The following KLF12 variants were observed in gnomAD, a reference collection of about 807,000 sequenced individuals.
KLF12 encodes KLF transcription factor 12, also known as Krueppel-like factor 12.
Under a neutral mutation model 37.8 loss-of-function variants are expected in KLF12, and 9 were observed. The ratio of observed to expected loss-of-function variants is 0.24; its 90% CI spans 0.14 to 0.42. The LOEUF (loss-of-function observed/expected upper bound fraction) is 0.42, where lower values mean the gene tolerates loss of function less well. Among genes scored for constraint, KLF12 ranks in the 10% least tolerant of loss-of-function variants. The pLI is 1.00. For missense variants in KLF12, 411 were observed against 516.0 expected (o/e 0.80, Z 1.97); for synonymous variants, 208 against 202.1 (o/e 1.03, Z -0.25).
At chr13:74,231,673 G>A in the KLF12 span, 1 of 152,132 alleles carries the variant, frequency 6.6e-6, no homozygotes, top group Admixed American at 6.5e-5. Context: ...AATATTACAG[G>A]AAACCTTGAA....
chr13:73,814,338 T>C (rs1369164018), intron 4 of KLF12, among the ~76,000 whole-genome samples: 1 of 152,190 alleles, frequency 6.6e-6, no homozygotes, highest in Non-Finnish European at 1.5e-5. Context: ...TGGTCTCAAA[T>C]CACTTTTTTT....
chr13:74,022,896 G>A (rs1056918461), intron 1 of KLF12, among the ~76,000 whole-genome samples: 7 of 150,464 alleles, frequency 4.7e-5, no homozygotes, highest in African/African-American at 7.3e-5. Context: ...AAAAATCACC[G>A]GGAGCTTCAA....
chr13:73,951,279 T>G (rs1378430966), intron 2 of KLF12, among the ~76,000 whole-genome samples: 1 of 152,212 alleles, frequency 6.6e-6, no homozygotes, highest in Admixed American at 6.5e-5. Context: ...TTATTTATGA[T>G]ATATCAGTGG....
At chr13:74,248,813 G>C in the KLF12 span, among the ~76,000 whole-genome samples, 1 of 152,100 alleles carries the variant, frequency 6.6e-6, no homozygotes, top group East Asian at 1.9e-4. Flanking sequence ...AGCATGCAAA[G>C]AGAGCAAACC....
At chr13:73,997,185 T>C (rs1892145798) in intron 1 of KLF12, among the ~76,000 whole-genome samples, 1 of 152,150 alleles carries the variant, frequency 6.6e-6, no homozygotes, top group Non-Finnish European at 1.5e-5. Flanking sequence ...GTAGCACAAA[T>C]GAAGGTAACA....
chr13:73,982,701 C>A (rs1891717967), intron 2 of KLF12, among the ~76,000 whole-genome samples: 1 of 152,190 alleles, frequency 6.6e-6, no homozygotes, highest in South Asian at 2.1e-4. Context: ...GCAGTACATT[C>A]AGAGCATTTT....
At chr13:73,936,472 C>A (rs1242106607) in intron 3 of KLF12, among the ~76,000 whole-genome samples, 1 of 152,122 alleles carries the variant, frequency 6.6e-6, no homozygotes. Context: ...GTATGGCCGA[C>A]CTTTCCTTGC....
chr13:74,106,863 C>G (rs1876676691), intron 1 of KLF12, among the ~76,000 whole-genome samples: 1 of 151,452 alleles, frequency 6.6e-6, no homozygotes, highest in Admixed American at 6.6e-5. Flanking sequence ...ATGGTAAAAT[C>G]TTGGTAAGAA....
intron 2 of KLF12, among the ~76,000 whole-genome samples, chr13:73,984,704 C>G (rs1891777933): frequency 6.6e-6 from 1 of 152,192 alleles, no homozygotes; most frequent in Non-Finnish European, 1.5e-5. Context: ...ATATTCGGCA[C>G]CTTTCCCCTC....
At chr13:74,150,400 G>A in the KLF12 span, among the ~76,000 whole-genome samples, 1 of 152,146 alleles carries the variant, frequency 6.6e-6, no homozygotes, top group African/African-American at 2.4e-5. Flanking sequence ...GCCATCAACT[G>A]GAACACATTT....
chr13:73,773,376 G>A (rs1249769947), intron 5 of KLF12, among the ~76,000 whole-genome samples: 5 of 152,168 alleles, frequency 3.3e-5, no homozygotes, highest in African/African-American at 9.7e-5. Context: ...CATGACCAAC[G>A]TCAGGACAGA....
chr13:73,708,561 C>T (rs1194412522), intron 7 of KLF12, among the ~76,000 whole-genome samples: 2 of 152,090 alleles, frequency 1.3e-5, no homozygotes, highest in Non-Finnish European at 2.9e-5. Context: ...CTAGACCCAA[C>T]ATCTGGTTCT....
intron 6 of KLF12, among the ~76,000 whole-genome samples, chr13:73,728,608 T>C (rs909657208): frequency 5.9e-5 from 9 of 152,232 alleles, no homozygotes. Context: ...CTATTCCTAG[T>C]GTACTGAGTG....
chr13:73,987,958 G>A (rs1300789840), intron 2 of KLF12, among the ~76,000 whole-genome samples: 3 of 152,102 alleles, frequency 2.0e-5, no homozygotes, highest in East Asian at 1.9e-4. Flanking sequence ...GATTCTGGCC[G>A]AAATGTAAAT....
chr13:73,873,620 T>C (rs1350994384), intron 3 of KLF12, among the ~76,000 whole-genome samples: 1 of 152,198 alleles, frequency 6.6e-6, no homozygotes, highest in Admixed American at 6.6e-5. Flanking sequence ...GGATTTTTTC[T>C]GAAAACTATA....
chr13:74,270,128 G>A, the KLF12 span, among the ~76,000 whole-genome samples: 10 of 152,122 alleles, frequency 6.6e-5, no homozygotes, highest in Non-Finnish European at 1.3e-4. Context: ...ACTAGGGGGA[G>A]CCTCTAAACC....
chr13:74,202,318 C>A, the KLF12 span, among the ~76,000 whole-genome samples: 1 of 152,074 alleles, frequency 6.6e-6, no homozygotes, highest in Non-Finnish European at 1.5e-5. Flanking sequence ...TTGGCCAGGA[C>A]AGTATCCACT....
the KLF12 span, among the ~76,000 whole-genome samples, chr13:74,171,361 G>T: frequency 6.6e-6 from 1 of 152,114 alleles, no homozygotes; most frequent in Admixed American, 6.5e-5. Context: ...ATTCTCAGAC[G>T]TTCCACACAT....
At chr13:74,117,933 T>C (rs183969306) in intron 1 of KLF12, among the ~76,000 whole-genome samples, 1 of 152,320 alleles carries the variant, frequency 6.6e-6, no homozygotes. Flanking sequence ...AATATGGTAC[T>C]TGTTTGTATC....
Sources: gnomAD v4.1 joint callset for allele counts (sites outside exome capture counted in the v4.1 genomes callset) on GRCh38, gnomAD v4.1.1 for gene constraint, MANE v1.5 for transcripts, NCBI Gene and HGNC (gene_info 2026-07-23, HGNC 2026-07-21) for gene names.